BPIFB4: variants seen among roughly 807,000 people sequenced by gnomAD.
The protein encoded by BPIFB4 is BPI fold containing family B member 4.
BPIFB4 carries 62 observed loss-of-function variants against 69.2 expected under a neutral mutation model. The observed-to-expected ratio is 0.90, with a 90% confidence interval of 0.73 to 1.11. The LOEUF (loss-of-function observed/expected upper bound fraction) is 1.11, where lower values mean the gene tolerates loss of function less well. BPIFB4 is among the 50% of genes least tolerant of loss of function. The pLI, the probability that BPIFB4 is intolerant of heterozygous loss-of-function variation, is 0.00. For missense variants in BPIFB4, 789 were observed against 792.0 expected (o/e 1.00, Z 0.04); for synonymous variants, 330 against 332.7 (o/e 0.99, Z 0.09).
At chr20:33,098,008 CT>C (rs1218547531) in intron 13 of BPIFB4, among the ~76,000 whole-genome samples, 2 of 152,206 alleles carry the variant, frequency 1.3e-5, no homozygotes, top group East Asian at 3.9e-4. Flanking sequence ...AATCTTAACT[CT>C]CTTGCTGGCC....
intron 1 of BPIFB4, among the ~76,000 whole-genome samples, chr20:33,080,054 A>G (rs761046559): frequency 1.3e-5 from 2 of 152,234 alleles, no homozygotes; most frequent in Non-Finnish European, 2.9e-5. Context: ...TTTTGAACAC[A>G]GCTCTCTGGA....
Position 33,086,087 on chromosome 20 carries a change from C to A in BPIFB4, c.849C>A (p.Asp283Glu), listed in dbSNP as rs61739412. ...NITAKVRLTM[D>E]RTGYPRLVIE... The stretch of plus-strand genomic sequence containing the variant: ...CAGCCAAGGTCCGGCTGACCATGGA[C>A]CGCACGGGTTATCCTCGGCTGGTCA... Residue 283 changes from aspartate to glutamate, a missense_variant, in exon 7 of 18, where the codon GAC (aspartate) becomes GAA (glutamate). Around this residue, in one of 3 missense-constraint regions of BPIFB4, gnomAD observed 611 missense variants for 575.4 expected, o/e 1.06. Transcript: ENST00000375483. 65 of 1,613,462 alleles carry A rather than the reference C, an allele frequency of 4.0e-5. No individual in the cohort carries two copies. Among genetic ancestry groups the A allele is most frequent in the Non-Finnish European group, 4.0e-5 (47 of 1,179,526 alleles).
chr20:33,081,078 A>G (rs1568999127), intron 2 of BPIFB4, among the ~76,000 whole-genome samples: 1 of 152,180 alleles, frequency 6.6e-6, no homozygotes, highest in Non-Finnish European at 1.5e-5. Flanking sequence ...AATAAATACG[A>G]AGGGGAGAAT....
At chr20:33,082,828 G>A (rs567860686) in intron 3 of BPIFB4, 110 bp from the exon 4 acceptor site, 2 of 1,082,030 alleles carry the variant, frequency 1.8e-6, no homozygotes, top group Admixed American at 1.7e-5. Flanking sequence ...GCTCTTCGCT[G>A]GTGGGAAAAG....
At chr20:33,106,789 C>T (rs930822204) in intron 16 of BPIFB4, among the ~76,000 whole-genome samples, 3 of 151,702 alleles carry the variant, frequency 2.0e-5, no homozygotes, top group Non-Finnish European at 2.9e-5. Flanking sequence ...GTCCAGAAAA[C>T]CTTGCAGAGG....
At chr20:33,098,525 A>T (rs776301987) in intron 13 of BPIFB4, among the ~76,000 whole-genome samples, 1 of 152,080 alleles carries the variant, frequency 6.6e-6, no homozygotes, top group Non-Finnish European at 1.5e-5. Context: ...TGGGTGGATC[A>T]CTTGAGGCCA....
chr20:33,089,379 G>A lies in BPIFB4; in HGVS notation c.991-119G>A. 4 of 1,494,646 alleles carry A rather than the reference G, an allele frequency of 2.7e-6. No homozygotes were observed. The South Asian group carries it at 3.7e-5, about 14-fold the overall frequency. The allele number at this position is 1,494,646 out of a possible 1,614,324, so 92.6% of individuals were successfully genotyped here. ...TCCCCACAGGGCTGTGGTGAGGAGAGTGCCTGGCACAGAGCAAGCAGTCAG... is the reference window on the plus strand; with the variant it reads ...TCCCCACAGGGCTGTGGTGAGGAGAATGCCTGGCACAGAGCAAGCAGTCAG... On this transcript the variant is annotated intron_variant, in intron 8 of 17. Transcript: ENST00000375483.
intron 7 of BPIFB4, among the ~76,000 whole-genome samples, chr20:33,087,008 T>C (rs1459770023): frequency 6.6e-6 from 1 of 152,172 alleles, no homozygotes; most frequent in Admixed American, 6.5e-5. Flanking sequence ...AAACTCATTG[T>C]GCAACTTGAA....
At chr20:33,109,540 A>ATGGCTC (rs1276208509) in intron 17 of BPIFB4, among the ~76,000 whole-genome samples, 4 of 152,054 alleles carry the variant, frequency 2.6e-5, no homozygotes, top group Non-Finnish European at 4.4e-5. Context: ...GCTCAAACCA[A>ATGGCTC]TGGCTCTCAG....
At chr20:33,092,382 G>T in intron 10 of BPIFB4, 76 bp from the exon 11 acceptor site, 2 of 1,370,908 alleles carry the variant, frequency 1.5e-6, no homozygotes, top group South Asian at 1.3e-5. Context: ...GCAGATTCAG[G>T]GCCTCACTCC....
At chr20:33,102,870 C>A in intron 14 of BPIFB4, 102 bp from the exon 15 acceptor site, 1 of 1,171,984 alleles carries the variant, frequency 8.5e-7, no homozygotes, top group Admixed American at 1.7e-5. Context: ...GGAGAGTGAT[C>A]GTGAGGATAG....
chr20:33,085,005 C>T lies in BPIFB4; in HGVS notation c.782+9C>T, dbSNP rs778033084. 6.2e-7 allele frequency: 1 copy of T among 1,610,072 alleles called. No individual in the cohort carries two copies. Among genetic ancestry groups the T allele is most frequent in the Admixed American group, 1.7e-5 (1 of 59,894 alleles). On this transcript the variant is annotated intron_variant, in intron 6 of 17. Transcript: ENST00000375483. ...GCCATCAACGGGAAGAGGTGCGTGC[C>T]CTTGGCCCTGGAGGGGTCCCCACCA... is the stretch of plus-strand genomic sequence containing the variant.
chr20:33,085,000 C>T lies in BPIFB4; in HGVS notation c.782+4C>T, dbSNP rs377762220. ...GTGTGGCCATCAACGGGAAGAGGTG[C>T]GTGCCCTTGGCCCTGGAGGGGTCCC... On this transcript the variant is annotated splice_donor_region_variant and intron_variant, in intron 6 of 17. Transcript: ENST00000375483. 1.6e-5 allele frequency: 25 copies of T among 1,610,564 alleles called. No individual in the cohort carries two copies. Among genetic ancestry groups the T allele is most frequent in the South Asian group, 4.4e-5 (4 of 90,850 alleles).
intron 4 of BPIFB4, 145 bp from the exon 5 acceptor site, chr20:33,083,222 G>T: frequency 1.5e-6 from 1 of 683,260 alleles, no homozygotes; most frequent in East Asian, 4.1e-5. Context: ...GTTGCTGGGT[G>T]GCAGTGGTGG....
intron 17 of BPIFB4, 121 bp downstream of exon 17, chr20:33,107,941 A>G: frequency 2.4e-6 from 2 of 850,740 alleles, no homozygotes; most frequent in Non-Finnish European, 3.9e-6. Flanking sequence ...GGGAGGAAAC[A>G]GGGTCCTCTT....
At position 33,111,474 on chromosome 20, in the gene BPIFB4, GCTGGAACCAGTCCCAGAGAGGCTCGGC is replaced by G. The variant is rs762775129; in HGVS notation, c.*44_*70del. The G allele has an allele frequency of 5.6e-5, 90 of 1,613,460 alleles. No homozygotes were observed. Among genetic ancestry groups the G allele is most frequent in the Admixed American group, 2.5e-4 (15 of 59,970 alleles). ...AGAGATGCTGCTGCAACTGGAAGAA[GCTGGAACCAGTCCCAGAGAGGCTCGGC>G]CTGGAAACAGTCCCCTGCCCAGAGT... On this transcript the variant is annotated 3_prime_UTR_variant, in exon 18 of 18. Coordinates refer to ENST00000375483, the MANE Select transcript of BPIFB4 (RefSeq NM_182519.3).
At position 33,083,797 on chromosome 20, in the gene BPIFB4, A is replaced by T. The variant is rs1226470178; in HGVS notation, c.600A>T (p.Gly200=). ...GCGGAGGTGGTCTCCTTGGTGATGG[A>T]GGACTTCTTGGAGGAGGGGGTGTCC... ...LLGGGGLLGD[G]GLLGGGGVLG... The change falls in exon 5 of 18, where the codon GGA becomes GGT. Residue 200 remains glycine (G), a synonymous_variant. Coordinates refer to ENST00000375483, the MANE Select transcript of BPIFB4 (RefSeq NM_182519.3). 1 of 1,613,454 alleles carries T rather than the reference A, an allele frequency of 6.2e-7. No individual in the cohort carries two copies. Among genetic ancestry groups the T allele is most frequent in the Non-Finnish European group, 8.5e-7 (1 of 1,179,746 alleles).
At position 33,086,092 on chromosome 20, in the gene BPIFB4, C is replaced by T. The variant is rs112296230; in HGVS notation, c.854C>T (p.Thr285Met). ...AAGGTCCGGCTGACCATGGACCGCA[C>T]GGGTTATCCTCGGCTGGTCATTGAG... ...TAKVRLTMDR[T>M]GYPRLVIERC... The change falls in exon 7 of 18, where the codon ACG becomes ATG. Residue 285 changes from threonine to methionine, a missense_variant. Physicochemically the swap from Thr to Met is moderately conservative, Grantham distance 81. Coordinates refer to ENST00000375483, the MANE Select transcript of BPIFB4 (RefSeq NM_182519.3). The T allele has an allele frequency of 9.5e-5, 153 of 1,613,492 alleles. 3 individuals carry two copies. The African/African-American group carries it at 1.0e-3, about 11-fold the overall frequency.
At chr20:33,095,256 TCCCCCGAA>T (rs1184104421) in intron 12 of BPIFB4, 103 bp downstream of exon 12, 1 of 1,258,748 alleles carries the variant, frequency 7.9e-7, no homozygotes, top group East Asian at 2.4e-5. Context: ...TGGGGTGCTC[TCCCCCGAA>T]CCCCTGCTTG....
Sources: gnomAD v4.1 joint callset for allele counts (sites outside exome capture counted in the v4.1 genomes callset) on GRCh38, gnomAD v4.1.1 for gene constraint, gnomAD v4.1.1 regional missense constraint, MANE v1.5 for transcripts, NCBI Gene and HGNC (gene_info 2026-07-23, HGNC 2026-07-21) for gene names.